M6PR: variants seen among roughly 807,000 people sequenced by gnomAD.
The protein encoded by M6PR is cation-dependent mannose-6-phosphate receptor.
In M6PR, 19 loss-of-function variants were observed where a neutral mutation model predicts 33.1. The observed-to-expected ratio is 0.57, with a 90% CI of 0.40 to 0.84. The LOEUF (loss-of-function observed/expected upper bound fraction) is 0.84, where lower values mean the gene tolerates loss of function less well. Among genes scored for constraint, M6PR ranks in the 40% least tolerant of loss-of-function variants. The pLI, the probability that M6PR is intolerant of heterozygous loss-of-function variation, is 0.00. For synonymous variants in M6PR, 111 were observed against 123.4 expected (o/e 0.90, Z 0.67); for missense variants, 295 against 336.0 (o/e 0.88, Z 0.95).
chr12:8,946,528 T>G, intron 1 of M6PR, 123 bp from the exon 2 acceptor site: 7 of 721,928 alleles, frequency 9.7e-6, no homozygotes, highest in Non-Finnish European at 1.4e-5. Flanking sequence ...CAAGATTCTC[T>G]GGCATATGCA....
chr12:8,941,740 T>G lies in M6PR; in HGVS notation c.*78A>C. On this transcript the variant is annotated 3_prime_UTR_variant, in exon 7 of 7. Transcript: ENST00000000412. ...GTAAGGGTGAGATGAGGGACTGGAGTTGAGACTGCTTGAGAAATCTGGCTG... is the reference window on the plus strand; with the variant it reads ...GTAAGGGTGAGATGAGGGACTGGAGGTGAGACTGCTTGAGAAATCTGGCTG... The G allele has an allele frequency of 6.4e-7, 1 of 1,574,088 alleles. No homozygotes were observed. Among genetic ancestry groups the G allele is most frequent in the South Asian group, 1.1e-5 (1 of 89,528 alleles).
At chr12:8,946,579 G>T in intron 1 of M6PR, 174 bp from the exon 2 acceptor site, 1 of 520,296 alleles carries the variant, frequency 1.9e-6, no homozygotes, top group Non-Finnish European at 3.3e-6. Context: ...AAGAGCATCT[G>T]CAGCAGAAAA....
Position 8,941,611 on chromosome 12 carries a change from A to G in M6PR, c.*207T>C, listed in dbSNP as rs1188374883. 14 of 578,158 alleles carry G rather than the reference A, an allele frequency of 2.4e-5. No homozygotes were observed. The South Asian group carries it at 2.7e-4, about 11-fold the overall frequency. The allele number at this position is 578,158 out of a possible 1,614,324, so 35.8% of individuals were successfully genotyped here. ...CCTATTATATTAACTCTGACTTACA[A>G]CTGTACCTCTCTAGAGAAAAAACAG... On this transcript the variant is annotated 3_prime_UTR_variant, in exon 7 of 7. Coordinates refer to ENST00000000412, the MANE Select transcript of M6PR (RefSeq NM_002355.4).
chr12:8,943,131 T>C (rs1315379671), intron 5 of M6PR, among the ~76,000 whole-genome samples: 1 of 152,162 alleles, frequency 6.6e-6, no homozygotes, highest in African/African-American at 2.4e-5. Flanking sequence ...TTTGTATTTT[T>C]AGTAGAGACG....
chr12:8,945,174 A>G (rs1452938062), intron 3 of M6PR: 3 of 401,026 alleles, frequency 7.5e-6, no homozygotes, highest in Non-Finnish European at 9.0e-6. Context: ...AAACAAAACA[A>G]TTCTGGCTAG....
chr12:8,942,310 C>T, intron 6 of M6PR, 106 bp downstream of exon 6: 1 of 1,511,454 alleles, frequency 6.6e-7, no homozygotes, highest in South Asian at 1.2e-5. Context: ...TTTTAGCACT[C>T]AATGTCCTGT....
In M6PR at chr12:8,946,338, C is replaced by T. The variant is rs1946093769; in HGVS notation, c.67G>A (p.Glu23Lys). Residue 23 changes from glutamate to lysine, a missense_variant, in exon 2 of 7, where the codon GAA (glutamate) becomes AAA (lysine). Coordinates refer to ENST00000000412, the MANE Select transcript of M6PR (RefSeq NM_002355.4). ...GTTTTTTCTTCTGTCTGCCAGGATT[C>T]TCTCACTGCCACAGCCAGGAGTAGT... ...LLLLLAVAVR[E>K]SWQTEEKTCD... The T allele has an allele frequency of 6.2e-7, 1 of 1,614,066 alleles. No individual in the cohort carries two copies. Among genetic ancestry groups the T allele is most frequent in the Non-Finnish European group, 8.5e-7 (1 of 1,180,034 alleles).
chr12:8,943,593 CAAAAT>C (rs1565529716), intron 4 of M6PR, 58 bp from the exon 5 acceptor site: 5 of 1,608,602 alleles, frequency 3.1e-6, no homozygotes, highest in Non-Finnish European at 4.3e-6. Context: ...TCCTGTCCAA[CAAAAT>C]AAAAAACCCA....
At chr12:8,943,354 T>TGG in intron 5 of M6PR, 51 bp downstream of exon 5, 1 of 1,609,862 alleles carries the variant, frequency 6.2e-7, no homozygotes. Flanking sequence ...GTTACTGACC[T>TGG]TAAAAACAAA....
chr12:8,942,071 T>G, intron 6 of M6PR, 131 bp from the exon 7 acceptor site: 2 of 1,042,088 alleles, frequency 1.9e-6, no homozygotes, highest in Non-Finnish European at 2.8e-6. Flanking sequence ...CTAAAAGATC[T>G]GACAATCAGC....
In M6PR at chr12:8,941,607, T is replaced by C. The variant is rs748228346; in HGVS notation, c.*211A>G. 3.6e-6 allele frequency: 2 copies of C among 559,770 alleles called. No individual in the cohort carries two copies. The highest frequency in any genetic ancestry group is 2.4e-5 in the South Asian group (1 of 41,324). 34.7% of individuals were successfully genotyped at this position (559,770 alleles called of 1,614,324 possible). On this transcript the variant is annotated 3_prime_UTR_variant, in exon 7 of 7. Coordinates refer to ENST00000000412, the MANE Select transcript of M6PR (RefSeq NM_002355.4). ...AGGCCCTATTATATTAACTCTGACTTACAACTGTACCTCTCTAGAGAAAAA... is the reference window on the plus strand; with the variant it reads ...AGGCCCTATTATATTAACTCTGACTCACAACTGTACCTCTCTAGAGAAAAA...
intron 4 of M6PR, 63 bp downstream of exon 4, chr12:8,943,738 C>A (rs1046371648): frequency 6.8e-7 from 1 of 1,468,766 alleles, no homozygotes. Flanking sequence ...TGGATATTCT[C>A]CCCAACCTCA....
In M6PR at chr12:8,949,252, T is replaced by C. The variant is rs1946153555; in HGVS notation, c.-2+236A>G. Among the ~76,000 whole-genome samples, 1 of 152,112 alleles carries C rather than the reference T, an allele frequency of 6.6e-6. No homozygotes were observed. The highest frequency in any genetic ancestry group is 6.6e-5 in the Admixed American group (1 of 15,266). ...ACTTGGGGTATTTTCCTTTCCCTGCTTTCTAAATATCGTAAATCCCCTCTC... is the reference window on the plus strand; with the variant it reads ...ACTTGGGGTATTTTCCTTTCCCTGCCTTCTAAATATCGTAAATCCCCTCTC... On this transcript the variant is annotated intron_variant, in intron 1 of 6. Transcript: ENST00000000412. The surrounding 1 kb of genome is among the most constrained non-coding windows in gnomAD (Gnocchi z 5.6).
rs1477159102 is a variant in M6PR, at chr12:8,943,340, T to C, written c.584+65A>G. The C allele has an allele frequency of 3.1e-6, 5 of 1,588,402 alleles. No homozygotes were observed. In the African/African-American group the frequency reaches 6.7e-5, roughly 21 times the overall value. On this transcript the variant is annotated intron_variant, in intron 5 of 6. Coordinates refer to ENST00000000412, the MANE Select transcript of M6PR (RefSeq NM_002355.4). ...TACAATTTGTGCTTATGTACCACCATATAGTTACTGACCTTAAAAACAAAA... is the reference window on the plus strand; with the variant it reads ...TACAATTTGTGCTTATGTACCACCACATAGTTACTGACCTTAAAAACAAAA...
chr12:8,943,452 A>G lies in M6PR; in HGVS notation c.537T>C (p.Cys179=). The G allele has an allele frequency of 1.2e-6, 2 of 1,614,198 alleles. No homozygotes were observed. The highest frequency in any genetic ancestry group is 1.7e-6 in the Non-Finnish European group (2 of 1,180,032). Residue 179 remains cysteine, a synonymous_variant, in exon 5 of 7, where the codon TGT becomes TGC. Transcript: ENST00000000412. ...YLFEMDSSLA[C]SPEISHLSVG... ...CACTGAGGTGGGAGATCTCTGGTGAACAGGCCAGGCTGCTATCCATCTCAA... is the reference window on the plus strand; with the variant it reads ...CACTGAGGTGGGAGATCTCTGGTGAGCAGGCCAGGCTGCTATCCATCTCAA...
chr12:8,946,711 C>A, intron 1 of M6PR: 1 of 231,642 alleles, frequency 4.3e-6, no homozygotes, highest in Non-Finnish European at 8.4e-6. Context: ...TGGAGCCATC[C>A]TTGCCTCTTT....
chr12:8,941,949 G>T lies in M6PR; in HGVS notation c.712-9C>A. 4 of 1,613,690 alleles carry T rather than the reference G, an allele frequency of 2.5e-6. No individual in the cohort carries two copies. Among genetic ancestry groups the T allele is most frequent in the Non-Finnish European group, 2.5e-6 (3 of 1,179,784 alleles). ...ACAAAGTCACAGCCATCCTGTAGGGGGAAAAAAAAGAAGGAAATAATTCGC... is the reference window on the plus strand; with the variant it reads ...ACAAAGTCACAGCCATCCTGTAGGGTGAAAAAAAAGAAGGAAATAATTCGC... On this transcript the variant is annotated splice_polypyrimidine_tract_variant and intron_variant, in intron 6 of 6. Transcript: ENST00000000412.
chr12:8,943,749 G>A, intron 4 of M6PR, 52 bp downstream of exon 4: 2 of 1,511,440 alleles, frequency 1.3e-6, no homozygotes, highest in Non-Finnish European at 1.8e-6. Context: ...CCCAACCTCA[G>A]GTCAGTCCTT....
intron 6 of M6PR, 197 bp downstream of exon 6, chr12:8,942,219 C>CT (rs1315385342): frequency 1.2e-5 from 9 of 727,756 alleles, no homozygotes; most frequent in Non-Finnish European, 2.0e-5. Flanking sequence ...TCAGCAATGT[C>CT]TTACCAAGGC....
Sources: gnomAD v4.1 joint callset for allele counts (sites outside exome capture counted in the v4.1 genomes callset) on GRCh38, gnomAD v4.1.1 for gene constraint, Gnocchi (gnomAD v3.1) non-coding constraint, MANE v1.5 for transcripts, NCBI Gene and HGNC (gene_info 2026-07-23, HGNC 2026-07-21) for gene names.